PYY: variants seen among roughly 807,000 people sequenced by gnomAD.
PYY encodes the protein peptide tyrosine tyrosine.
In PYY, 12 loss-of-function variants were observed where a neutral mutation model predicts 10.3. The observed-to-expected ratio is 1.17, with a 90% confidence interval of 0.75 to 1.89. The LOEUF (loss-of-function observed/expected upper bound fraction) is 1.89, where lower values mean the gene tolerates loss of function less well. Ranked by LOEUF, PYY falls within the 40% of genes most tolerant of loss-of-function variation. The probability of loss-of-function intolerance (pLI) is 0.00; values close to 1 mark genes in which losing one functional copy is unlikely to be tolerated. For missense variants in PYY, 141 were observed against 134.0 expected (o/e 1.05, Z -0.26); for synonymous variants, 66 against 62.0 (o/e 1.06, Z -0.30).
At chr17:43,979,679 CA>C (rs2048870128) in intron 1 of PYY, among the ~76,000 whole-genome samples, 1 of 147,154 alleles carries the variant, frequency 6.8e-6, no homozygotes, top group Admixed American at 7.0e-5. Context: ...CTGTCTCAAA[CA>C]ACAGAAAAAA....
In PYY at chr17:43,973,622, C is replaced by T. The variant is rs151007264; in HGVS notation, c.-462-7090G>A. On this transcript the variant is annotated intron_variant, in intron 1 of 6. Coordinates refer to the PYY transcript ENST00000360085. ...TCAGCCTGGCCAACTTGGTGAAACC[C>T]CGTCTCTACTAAAAATACAAAAATT... Among the ~76,000 whole-genome samples the T allele has an allele frequency of 8.3e-3, 1,264 of 152,186 alleles. 18 individuals carry two copies. The highest frequency in any genetic ancestry group is 0.029 in the African/African-American group (1,191 of 41,520).
At chr17:43,972,972 C>T (rs1399249992) in intron 1 of PYY, among the ~76,000 whole-genome samples, 2 of 152,064 alleles carry the variant, frequency 1.3e-5, no homozygotes, top group Non-Finnish European at 2.9e-5. Context: ...CTCAGCCTCC[C>T]AAAGTGCCGG....
At position 43,953,376 on chromosome 17, in the gene PYY, G is replaced by C. The variant is rs748859136; in HGVS notation, c.108C>G (p.Pro36=). The change falls in exon 2 of 4, where the codon CCC becomes CCG. Residue 36 remains proline (P), a synonymous_variant. Transcript: ENST00000692052. ...VDAYPIKPEA[P]REDASPEELN... is the part of the protein sequence containing the mutation. ...GCTCCTCCGGCGAGGCGTCTTCGCG[G>C]GGAGCCTCGGGTTTGATGGGGTAGG... 1 of 1,612,310 alleles carries C rather than the reference G, an allele frequency of 6.2e-7. No individual in the cohort carries two copies. The highest frequency in any genetic ancestry group is 8.5e-7 in the Non-Finnish European group (1 of 1,179,332).
At chr17:43,966,410 G>A (rs531301309) in exon 2 of PYY, 2 of 152,800 alleles carry the variant, frequency 1.3e-5, no homozygotes, top group South Asian at 2.1e-4. Flanking sequence ...AATGACCTGA[G>A]TCATTCTTAG....
chr17:43,999,576 G>A (rs1295715662), intron 1 of PYY, among the ~76,000 whole-genome samples: 1 of 151,974 alleles, frequency 6.6e-6, no homozygotes, highest in African/African-American at 2.4e-5. Context: ...AGACCAGTCT[G>A]GCTAAAATGG....
At chr17:43,996,120 G>T (rs903928554) in intron 1 of PYY, among the ~76,000 whole-genome samples, 5 of 152,194 alleles carry the variant, frequency 3.3e-5, no homozygotes, top group Non-Finnish European at 7.3e-5. Context: ...CTACAGGACT[G>T]CTAAGGTTGA....
intron 1 of PYY, among the ~76,000 whole-genome samples, chr17:43,977,277 G>A (rs1418470847): frequency 6.6e-6 from 1 of 152,204 alleles, no homozygotes; most frequent in African/African-American, 2.4e-5. Flanking sequence ...AAAGCCATTA[G>A]CTGCGACTTA....
intron 1 of PYY, among the ~76,000 whole-genome samples, chr17:43,972,191 T>TTTTA (rs3080250): frequency 0.52 from 71,413 of 137,920 alleles, 20,145 homozygotes; most frequent in Non-Finnish European, 0.64. Context: ...TTTTATTTTA[T>TTTTA]TTTATTTATT....
intron 2 of PYY, among the ~76,000 whole-genome samples, chr17:43,961,269 AG>A (rs2048710691): frequency 6.6e-6 from 1 of 151,236 alleles, no homozygotes; most frequent in African/African-American, 2.4e-5. Context: ...AAAGTCGGGG[AG>A]GAGGGAAAGT....
chr17:43,981,899 T>G (rs1004016099), intron 1 of PYY, among the ~76,000 whole-genome samples: 1 of 152,218 alleles, frequency 6.6e-6, no homozygotes, highest in Admixed American at 6.5e-5. Flanking sequence ...TTGTAAACAT[T>G]CTATTTATTT....
At chr17:44,003,192 C>T (rs184724474) in intron 1 of PYY, among the ~76,000 whole-genome samples, 1 of 152,214 alleles carries the variant, frequency 6.6e-6, no homozygotes, top group East Asian at 1.9e-4. Context: ...CCACTACTGC[C>T]TGGCTAATTT....
At chr17:43,963,507 C>CA (rs56079292) in intron 2 of PYY, among the ~76,000 whole-genome samples, 51,751 of 76,762 alleles carry the variant, frequency 0.67, 16,631 homozygotes, top group South Asian at 0.78. Context: ...AACTCCATCT[C>CA]AAAAAAAAAA....
At chr17:43,965,936 A>G (rs2048753562) in intron 2 of PYY, among the ~76,000 whole-genome samples, 1 of 151,112 alleles carries the variant, frequency 6.6e-6, no homozygotes, top group Non-Finnish European at 1.5e-5. Flanking sequence ...CCAAGATGAG[A>G]TGCTTGGCTC....
At chr17:43,996,997 TAC>T (rs745940007) in intron 1 of PYY, among the ~76,000 whole-genome samples, 1 of 151,690 alleles carries the variant, frequency 6.6e-6, no homozygotes, top group South Asian at 2.1e-4. Flanking sequence ...CCTAATTTTT[TAC>T]AGTTTCTTTT....
At chr17:43,996,714 G>T (rs1016436258) in intron 1 of PYY, among the ~76,000 whole-genome samples, 10 of 152,026 alleles carry the variant, frequency 6.6e-5, no homozygotes, top group African/African-American at 2.2e-4. Context: ...TTGAGACAGG[G>T]TCTTGCTCTG....
intron 1 of PYY, among the ~76,000 whole-genome samples, chr17:43,995,462 C>A (rs1470998123): frequency 1.3e-5 from 2 of 151,814 alleles, no homozygotes; most frequent in Non-Finnish European, 2.9e-5. Flanking sequence ...TCCCGAGTAG[C>A]TGGGACCACA....
intron 1 of PYY, among the ~76,000 whole-genome samples, chr17:43,995,892 C>T (rs554452386): frequency 1.7e-4 from 25 of 150,752 alleles, no homozygotes; most frequent in African/African-American, 5.8e-4. Context: ...CAGTGGCTCA[C>T]GCCTGTAATC....
At chr17:43,997,896 A>G (rs567372557) in intron 1 of PYY, among the ~76,000 whole-genome samples, 1 of 152,064 alleles carries the variant, frequency 6.6e-6, no homozygotes, top group South Asian at 2.1e-4. Flanking sequence ...CTAATTGGAC[A>G]TAGGGTATGA....
At chr17:43,973,497 G>A (rs1022150600) in intron 1 of PYY, among the ~76,000 whole-genome samples, 2 of 152,048 alleles carry the variant, frequency 1.3e-5, no homozygotes, top group African/African-American at 4.8e-5. Flanking sequence ...ATTCCTATAC[G>A]TTACTGAAAA....
Sources: gnomAD v4.1 joint callset for allele counts (sites outside exome capture counted in the v4.1 genomes callset) on GRCh38, gnomAD v4.1.1 for gene constraint, MANE v1.5 for transcripts, NCBI Gene and HGNC (gene_info 2026-07-23, HGNC 2026-07-21) for gene names.